Variants in ME3 observed in about 807,000 individuals in gnomAD.
ME3 encodes NADP-dependent malic enzyme, mitochondrial.
A neutral mutation model predicts 68.9 loss-of-function variants in ME3; 48 were observed. That is an observed-to-expected ratio of 0.70 (90% confidence interval 0.55 to 0.89). The LOEUF (loss-of-function observed/expected upper bound fraction) is 0.89, where lower values mean the gene tolerates loss of function less well. ME3 is among the 40% of genes least tolerant of loss of function. The probability of loss-of-function intolerance (pLI) is 0.00; values close to 1 mark genes in which losing one functional copy is unlikely to be tolerated. For synonymous variants in ME3, 320 were observed against 318.8 expected (o/e 1.00, Z -0.04); for missense variants, 675 against 797.4 (o/e 0.85, Z 1.85).
chr11:86,509,682 G>A (rs668272), intron 4 of ME3, among the ~76,000 whole-genome samples: 99,376 of 150,282 alleles, frequency 0.66, 33,291 homozygotes, highest in Admixed American at 0.72. Flanking sequence ...GGAATAAGCC[G>A]CGGAAAGGAT....
At chr11:86,544,816 G>A (rs1594381502) in intron 4 of ME3, among the ~76,000 whole-genome samples, 1 of 152,296 alleles carries the variant, frequency 6.6e-6, no homozygotes, top group East Asian at 1.9e-4. Context: ...TATGAGGCCA[G>A]CGTCATCCTG....
At chr11:86,646,600 A>G (rs572661520) in intron 2 of ME3, among the ~76,000 whole-genome samples, 1 of 152,356 alleles carries the variant, frequency 6.6e-6, no homozygotes, top group South Asian at 2.1e-4. Context: ...AGTGACGAGG[A>G]GAATGGAACC....
chr11:86,546,924 C>T (rs1956392659), intron 4 of ME3, among the ~76,000 whole-genome samples: 1 of 151,442 alleles, frequency 6.6e-6, no homozygotes, highest in African/African-American at 2.4e-5. Flanking sequence ...TCCAAATGCC[C>T]ATCAATGATA....
exon 12 of ME3, chr11:86,447,165 C>T (rs1949353476): frequency 6.2e-7 from 1 of 1,614,170 alleles, no homozygotes; most frequent in Non-Finnish European, 8.5e-7. Flanking sequence ...GGCCATGTCC[C>T]TCAGAATCTG....
chr11:86,565,316 G>A (rs192153438), intron 2 of ME3, among the ~76,000 whole-genome samples: 8 of 152,174 alleles, frequency 5.3e-5, no homozygotes, highest in East Asian at 1.9e-4. Flanking sequence ...TATGGAAAGC[G>A]TAGTGGTCCT....
rs115641913 is a variant in ME3 at position 86,643,066 on chromosome 11, A to C, written c.183+28696T>G. Among the ~76,000 whole-genome samples the C allele has an allele frequency of 3.6e-3, 544 of 152,242 alleles. 2 individuals carry two copies. The highest frequency in any genetic ancestry group is 0.012 in the African/African-American group (517 of 41,520). Reference sequence around the variant, plus strand: ...GTTATGGAGCTCAAGGAATTCTGAAAAGAGCCCAGTCTTTTGCTTCCTTAG... The same window carrying C: ...GTTATGGAGCTCAAGGAATTCTGAACAGAGCCCAGTCTTTTGCTTCCTTAG... On this transcript the variant is annotated intron_variant, in intron 2 of 14. Transcript: ENST00000543262.
intron 2 of ME3, among the ~76,000 whole-genome samples, chr11:86,648,712 C>A (rs1223450320): frequency 1.3e-5 from 2 of 152,120 alleles, no homozygotes; most frequent in African/African-American, 2.4e-5. Flanking sequence ...CACCTCTATG[C>A]ATATAAACTA....
At chr11:86,628,614 T>A in intron 2 of ME3, among the ~76,000 whole-genome samples, 1 of 152,218 alleles carries the variant, frequency 6.6e-6, no homozygotes, top group East Asian at 1.9e-4. Context: ...GACTATTTGA[T>A]ACTAAGGTCT....
intron 4 of ME3, among the ~76,000 whole-genome samples, chr11:86,523,627 A>C (rs1954499082): frequency 1.3e-5 from 2 of 152,132 alleles, no homozygotes; most frequent in Admixed American, 1.3e-4. Flanking sequence ...GAGTTGAAAG[A>C]GTTTCTCCAT....
chr11:86,554,151 T>A (rs1479999015), intron 4 of ME3, among the ~76,000 whole-genome samples: 1 of 152,334 alleles, frequency 6.6e-6, no homozygotes, highest in East Asian at 1.9e-4. Flanking sequence ...ACAAGCCTGT[T>A]GCATATGCAA....
Position 86,595,333 on chromosome 11 carries a change from C to CAGAGAGAGAGAGG in ME3, c.184-35511_184-35510insCCTCTCTCTCTCT, listed in dbSNP as rs1565186336. On this transcript the variant is annotated intron_variant, in intron 2 of 14. Coordinates refer to ENST00000543262, the Ensembl canonical transcript of ME3. ...GAGAGAGAGAGAGAGAGAGAGAGAG[C>CAGAGAGAGAGAGG]TTATTATGTATCAGTCACTGGTCCA... Among the ~76,000 whole-genome samples the CAGAGAGAGAGAGG allele has an allele frequency of 1.1e-4, 11 of 98,618 alleles. 1 individual carries two copies. The highest frequency in any genetic ancestry group is 1.8e-4 in the Non-Finnish European group (9 of 49,728). The allele number at this position is 98,618 out of a possible 152,430, so 64.7% of individuals were successfully genotyped here. A position where few individuals can be genotyped will look rare whatever the true frequency, so the allele number is the denominator to read the frequency against.
chr11:86,627,433 G>A (rs1332826164), intron 2 of ME3, among the ~76,000 whole-genome samples: 1 of 152,044 alleles, frequency 6.6e-6, no homozygotes, highest in Non-Finnish European at 1.5e-5. Context: ...TTCAACTTTG[G>A]CTTTTCAAAG....
At chr11:86,497,826 G>C in intron 6 of ME3, 137 bp downstream of exon 6, 1 of 1,005,164 alleles carries the variant, frequency 9.9e-7, no homozygotes, top group Non-Finnish European at 1.4e-6. Context: ...TGTGTAGGGG[G>C]AATGCCCTGG....
At chr11:86,630,576 A>T (rs1943951307) in intron 2 of ME3, among the ~76,000 whole-genome samples, 1 of 152,272 alleles carries the variant, frequency 6.6e-6, no homozygotes, top group Non-Finnish European at 1.5e-5. Context: ...GGTAAAAACC[A>T]AACCTCCTGC....
intron 2 of ME3, among the ~76,000 whole-genome samples, chr11:86,562,235 A>G (rs1957272986): frequency 6.6e-6 from 1 of 152,154 alleles, no homozygotes; most frequent in South Asian, 2.1e-4. Context: ...ATTCATGTAT[A>G]TTTATCATTG....
intron 2 of ME3, among the ~76,000 whole-genome samples, chr11:86,623,639 T>G (rs1943482145): frequency 6.6e-6 from 1 of 152,224 alleles, no homozygotes; most frequent in South Asian, 2.1e-4. Flanking sequence ...TCATACTGTT[T>G]AAGGCTGCCA....
At chr11:86,610,328 T>G (rs1354408408) in intron 2 of ME3, among the ~76,000 whole-genome samples, 1 of 152,092 alleles carries the variant, frequency 6.6e-6, no homozygotes, top group African/African-American at 2.4e-5. Context: ...CTGAAATACT[T>G]TATAATAAAG....
chr11:86,618,839 G>T (rs74334542), intron 2 of ME3, among the ~76,000 whole-genome samples: 1 of 151,738 alleles, frequency 6.6e-6, no homozygotes. Context: ...TACCTCCCGA[G>T]TAGCTGGGAT....
chr11:86,586,438 A>G (rs1958739312), intron 2 of ME3, among the ~76,000 whole-genome samples: 1 of 152,190 alleles, frequency 6.6e-6, no homozygotes, highest in Non-Finnish European at 1.5e-5. Context: ...GGAATTTCAC[A>G]AGATGCCGAG....
Sources: allele counts gnomAD v4.1 joint callset (sites outside exome capture counted in the v4.1 genomes callset), GRCh38; gene constraint gnomAD v4.1.1; transcripts MANE v1.5; gene names NCBI Gene and HGNC (gene_info 2026-07-23, HGNC 2026-07-21).